Variants in LRRC36 observed in about 807,000 individuals in gnomAD.
LRRC36 encodes the protein leucine-rich repeat-containing protein 36.
LRRC36 carries 62 observed loss-of-function variants against 81.1 expected under a neutral mutation model. That is an observed-to-expected ratio of 0.76 (90% CI 0.62 to 0.94). The LOEUF is 0.94. LRRC36 is among the 40% of genes least tolerant of loss of function. The probability of loss-of-function intolerance (pLI) is 0.00; values close to 1 mark genes in which losing one functional copy is unlikely to be tolerated. For missense variants in LRRC36, 761 were observed against 881.7 expected, an observed-to-expected ratio of 0.86 and a Z score of 1.73; for synonymous variants, 334 against 348.6, an observed-to-expected ratio of 0.96 and a Z score of 0.47.
At chr16:67,365,558 C>T (rs1390535911) in intron 7 of LRRC36, among the ~76,000 whole-genome samples, 1 of 152,094 alleles carries the variant, frequency 6.6e-6, no homozygotes, top group East Asian at 1.9e-4. Flanking sequence ...CTCCTTTGTT[C>T]TTGATTTTTT....
chr16:67,331,069 A>AAGAGAGAGAGAGAGAGAGAGAGAGAGAG (rs71145966), intron 1 of LRRC36, among the ~76,000 whole-genome samples: 22 of 118,636 alleles, frequency 1.9e-4, no homozygotes, highest in African/African-American at 7.5e-4. Context: ...GTGAGAGAGA[A>AAGAGAGAGAGAGAGAGAGAGAGAGAGAG]AGAGAGAGAG....
chr16:67,344,870 G>T (rs1181059245), intron 2 of LRRC36, among the ~76,000 whole-genome samples: 1 of 152,158 alleles, frequency 6.6e-6, no homozygotes, highest in Non-Finnish European at 1.5e-5. Context: ...ATGAGAAAAT[G>T]ATAATTTTAA....
chr16:67,363,477 C>A (rs1245259870), intron 5 of LRRC36, 113 bp from the exon 6 acceptor site: 2 of 1,006,152 alleles, frequency 2.0e-6, no homozygotes, highest in African/African-American at 1.6e-5. Flanking sequence ...AGTGGTGGCA[C>A]CAGAACTAGC....
At chr16:67,330,137 T>A (rs1031723707) in intron 1 of LRRC36, among the ~76,000 whole-genome samples, 110 of 152,242 alleles carry the variant, frequency 7.2e-4, no homozygotes, top group African/African-American at 2.6e-3. Flanking sequence ...GTACTTCCTA[T>A]GAATTGGTAG....
intron 1 of LRRC36, 88 bp downstream of exon 1, chr16:67,327,020 A>G: frequency 8.0e-7 from 1 of 1,246,226 alleles, no homozygotes; most frequent in Non-Finnish European, 1.1e-6. Flanking sequence ...GGAACCTGAG[A>G]TAGAGGCGAG....
At chr16:67,330,199 G>A (rs1014402463) in intron 1 of LRRC36, among the ~76,000 whole-genome samples, 2 of 151,562 alleles carry the variant, frequency 1.3e-5, no homozygotes, top group South Asian at 2.1e-4. Flanking sequence ...TTCACAAGAC[G>A]ATTTCATAGG....
chr16:67,373,760 C>G (rs2039765049), intron 9 of LRRC36, among the ~76,000 whole-genome samples: 1 of 144,674 alleles, frequency 6.9e-6, no homozygotes, highest in Non-Finnish European at 1.5e-5. Context: ...TGCCTGTAAT[C>G]CCAGCACTTT....
intron 5 of LRRC36, among the ~76,000 whole-genome samples, chr16:67,362,474 T>C (rs2142086552): frequency 6.6e-6 from 1 of 152,236 alleles, no homozygotes; most frequent in Admixed American, 6.5e-5. Context: ...AGTTTGAATA[T>C]ATATACAGAG....
intron 5 of LRRC36, among the ~76,000 whole-genome samples, chr16:67,353,071 C>G (rs965187703): frequency 1.3e-5 from 2 of 152,156 alleles, no homozygotes; most frequent in African/African-American, 4.8e-5. Context: ...ACTGGTCTCT[C>G]TCTGCACCAG....
chr16:67,369,266 T>C (rs1232587440), intron 8 of LRRC36, among the ~76,000 whole-genome samples: 2 of 152,016 alleles, frequency 1.3e-5, no homozygotes, highest in African/African-American at 4.8e-5. Flanking sequence ...GAAACCATCA[T>C]GGAGAGTGAG....
chr16:67,343,239 C>T lies in LRRC36; in HGVS notation c.198+1155C>T, dbSNP rs78022304. ...TTTTTATACTTCCTTTCTTTCACTT[C>T]GGTAAACTGGGTGAAAAACTTAGGA... On this transcript the variant is annotated intron_variant, in intron 2 of 13. Transcript: ENST00000329956. Among the ~76,000 whole-genome samples, 845 of 152,172 alleles carry T rather than the reference C, an allele frequency of 5.6e-3. 9 individuals carry two copies. Among genetic ancestry groups the T allele is most frequent in the African/African-American group, 0.019 (795 of 41,516 alleles).
chr16:67,380,599 C>T (rs2040070765), intron 12 of LRRC36, among the ~76,000 whole-genome samples: 1 of 152,106 alleles, frequency 6.6e-6, no homozygotes, highest in African/African-American at 2.4e-5. Flanking sequence ...AATCTCAGCA[C>T]TAAATAAATA....
intron 4 of LRRC36, 145 bp from the exon 5 acceptor site, chr16:67,350,057 G>A (rs1175974109): frequency 9.4e-6 from 5 of 532,034 alleles, no homozygotes; most frequent in South Asian, 3.1e-5. Context: ...CACTGTGCCC[G>A]GCTGAAACAT....
At chr16:67,341,097 T>C (rs1183608803) in intron 1 of LRRC36, among the ~76,000 whole-genome samples, 1 of 108,846 alleles carries the variant, frequency 9.2e-6, no homozygotes. Context: ...CTATAGAATA[T>C]GTACTCTACA....
At chr16:67,333,802 A>G (rs1043665000) in intron 1 of LRRC36, among the ~76,000 whole-genome samples, 3 of 152,176 alleles carry the variant, frequency 2.0e-5, no homozygotes, top group African/African-American at 7.2e-5. Context: ...AATTGGGCAT[A>G]AAGTACAGAG....
chr16:67,384,944 T>C lies in LRRC36; in HGVS notation c.2120T>C (p.Leu707Pro), dbSNP rs2040241292. ...CCAAAAGGTTATTCCGGGAAAGCGC[T>C]CCTGCCTCCTGAGAAGGGTCATCAT... ...KEPKGYSGKALLPPEKGHHLG... is the reference protein window; with the variant it reads ...KEPKGYSGKAPLPPEKGHHLG... The change falls in exon 14 of 14, where the codon CTC (leucine) becomes CCC (proline). Residue 707 changes from leucine (L) to proline (P), a missense_variant. Physicochemically the swap from Leu to Pro is moderately conservative, Grantham distance 98. Transcript: ENST00000329956. 6.2e-7 allele frequency: 1 copy of C among 1,614,110 alleles called. No individual in the cohort carries two copies. Among genetic ancestry groups the C allele is most frequent in the Admixed American group, 1.7e-5 (1 of 60,006 alleles).
intron 8 of LRRC36, among the ~76,000 whole-genome samples, chr16:67,369,599 A>G (rs1020501384): frequency 6.6e-6 from 1 of 152,246 alleles, no homozygotes. Context: ...TAATAAAGAC[A>G]TACCCAAGAC....
intron 1 of LRRC36, among the ~76,000 whole-genome samples, chr16:67,329,883 A>C (rs1271254038): frequency 6.6e-6 from 1 of 152,104 alleles, no homozygotes; most frequent in Non-Finnish European, 1.5e-5. Context: ...GCGTCACTGC[A>C]CTCCAGCTTG....
At chr16:67,381,458 A>T (rs2040108280) in intron 12 of LRRC36, among the ~76,000 whole-genome samples, 1 of 152,160 alleles carries the variant, frequency 6.6e-6, no homozygotes, top group Non-Finnish European at 1.5e-5. Context: ...GGAGTGAAGG[A>T]TGTACAAAAC....
Sources: gnomAD v4.1 joint callset for allele counts (sites outside exome capture counted in the v4.1 genomes callset) on GRCh38, gnomAD v4.1.1 for gene constraint, MANE v1.5 for transcripts, NCBI Gene and HGNC (gene_info 2026-07-23, HGNC 2026-07-21) for gene names.